Variants in TRIM26 observed in about 807,000 individuals in gnomAD.
TRIM26 encodes the protein tripartite motif-containing protein 26.
In TRIM26, 16 loss-of-function variants were observed where a neutral mutation model predicts 45.5. That is an observed-to-expected ratio of 0.35 (90% CI 0.24 to 0.53). The LOEUF (loss-of-function observed/expected upper bound fraction) is 0.53. Ranked by LOEUF, TRIM26 falls within the 20% of genes least tolerant of loss-of-function variation. The pLI, the probability that TRIM26 is intolerant of heterozygous loss-of-function variation, is 0.92. For synonymous variants in TRIM26, 273 were observed against 290.4 expected (o/e 0.94, Z 0.61); for missense variants, 442 against 691.1 (o/e 0.64, Z 4.04).
intron 6 of TRIM26, among the ~76,000 whole-genome samples, chr6:30,191,187 G>C (rs1354922204): frequency 6.6e-6 from 1 of 152,126 alleles, no homozygotes; most frequent in African/African-American, 2.4e-5. Context: ...GGTTTGTACA[G>C]GGGGGAGAAT....
Position 30,199,122 on chromosome 6 carries a change from A to T in TRIM26, c.-19T>A, listed in dbSNP as rs747038508. Reference sequence around the variant, plus strand: ...TGGCCATGGTATCCTTAGTTCAGAGAGGTCTCCGTTCACTGGTGAGGACTT... The same window carrying T: ...TGGCCATGGTATCCTTAGTTCAGAGTGGTCTCCGTTCACTGGTGAGGACTT... On this transcript the variant is annotated 5_prime_UTR_variant, in exon 4 of 10. Coordinates refer to ENST00000454678, the MANE Select transcript of TRIM26 (RefSeq NM_003449.5). The T allele has an allele frequency of 1.3e-6, 2 of 1,532,984 alleles. No homozygotes were observed. The highest frequency in any genetic ancestry group is 2.5e-5 in the South Asian group (2 of 78,710). 95.0% of individuals were successfully genotyped at this position (1,532,984 alleles called of 1,614,324 possible).
rs1774946806 is a variant in TRIM26 at position 30,184,531 on chromosome 6, TATAAG to T, written c.*1340_*1344del. On this transcript the variant is annotated 3_prime_UTR_variant, in exon 10 of 10. Transcript: ENST00000454678. Reference sequence around the variant, plus strand: ...AGGTGCCATGAGAATACAAGAGTAGTATAAGATGTTATCCGCCCTCCAGGAGCTTA... The same window carrying T: ...AGGTGCCATGAGAATACAAGAGTAGTATGTTATCCGCCCTCCAGGAGCTTA... 6.6e-6 allele frequency: 1 copy of T among 152,398 alleles called. No homozygotes were observed. The highest frequency in any genetic ancestry group is 2.1e-4 in the South Asian group (1 of 4,830). 9.4% of individuals were successfully genotyped at this position (152,398 alleles called of 1,614,324 possible).
chr6:30,211,645 G>A (rs2844775), intron 1 of TRIM26, among the ~76,000 whole-genome samples: 29,689 of 152,094 alleles, frequency 0.2, 3,450 homozygotes, highest in Non-Finnish European at 0.25. Context: ...GTTGAGGCAA[G>A]GTCACATAAG....
intron 1 of TRIM26, among the ~76,000 whole-genome samples, chr6:30,208,831 T>C (rs1248720193): frequency 6.6e-6 from 1 of 152,000 alleles, no homozygotes; most frequent in Non-Finnish European, 1.5e-5. Context: ...GCACTCATGA[T>C]GCCCCACAGC....
At position 30,198,767 on chromosome 6, in the gene TRIM26, A is replaced by G. The variant is rs986129625; in HGVS notation, c.337T>C (p.Cys113Arg). The change falls in exon 4 of 10, where the codon TGT becomes CGT. Residue 113 changes from cysteine (C) to arginine (R), a missense_variant. Physicochemically the swap from Cys to Arg is radical, Grantham distance 180. Coordinates refer to ENST00000454678, the MANE Select transcript of TRIM26 (RefSeq NM_003449.5). The surrounding 1 kb of genome is among the most constrained non-coding windows in gnomAD (Gnocchi z 6.3). The stretch of plus-strand genomic sequence containing the variant: ...CACAGCAGCTTCCCGTCGTCCTCAC[A>G]GTAGTAGTGCAGCTTCTCTCGGTGT... Reference protein sequence around the residue: ...ERHREKLHYYCEDDGKLLCVM... With the variant: ...ERHREKLHYYREDDGKLLCVM... The G allele has an allele frequency of 6.2e-7, 1 of 1,603,128 alleles. No individual in the cohort carries two copies. The highest frequency in any genetic ancestry group is 1.3e-5 in the African/African-American group (1 of 74,422).
chr6:30,189,906 T>C lies in TRIM26; in HGVS notation c.788+107A>G. 7.5e-7 allele frequency: 1 copy of C among 1,339,138 alleles called. No homozygotes were observed. Among genetic ancestry groups the C allele is most frequent in the Non-Finnish European group, 1.1e-6 (1 of 936,116 alleles). The allele number at this position is 1,339,138 out of a possible 1,614,324, so 83.0% of individuals were successfully genotyped here. A position where few individuals can be genotyped will look rare whatever the true frequency, so the allele number is the denominator to read the frequency against. On this transcript the variant is annotated intron_variant, in intron 7 of 9. Coordinates refer to ENST00000454678, the MANE Select transcript of TRIM26 (RefSeq NM_003449.5). The surrounding 1 kb of genome is among the most constrained non-coding windows in gnomAD (Gnocchi z 5.0). Reference sequence around the variant, plus strand: ...ATCAGGATGAACCATGGGATGTGAGTACCTCTGGCACCATACCACTCCCCA... The same window carrying C: ...ATCAGGATGAACCATGGGATGTGAGCACCTCTGGCACCATACCACTCCCCA...
intron 1 of TRIM26, among the ~76,000 whole-genome samples, chr6:30,208,515 CTTTT>C (rs35809533): frequency 1.0e-4 from 13 of 128,212 alleles, no homozygotes; most frequent in Non-Finnish European, 1.1e-4. Flanking sequence ...AATTTTTTTC[CTTTT>C]TTTTTTTTTT....
intron 1 of TRIM26, among the ~76,000 whole-genome samples, chr6:30,211,299 T>A (rs1211931330): frequency 6.6e-6 from 1 of 152,182 alleles, no homozygotes; most frequent in Non-Finnish European, 1.5e-5. Flanking sequence ...AAGAACAAAA[T>A]TCCATTTCTA....
chr6:30,185,688 G>A lies in TRIM26; in HGVS notation c.*188C>T. On this transcript the variant is annotated 3_prime_UTR_variant, in exon 10 of 10. Coordinates refer to ENST00000454678, the MANE Select transcript of TRIM26 (RefSeq NM_003449.5). The surrounding 1 kb of genome is among the most constrained non-coding windows in gnomAD (Gnocchi z 5.7). ...GAGGTGGGAAAAGAGCCCCATTAGG[G>A]CAGTAGATGGAGCAACAGCACTGAG... The A allele has an allele frequency of 1.5e-6, 1 of 664,062 alleles. No homozygotes were observed. The highest frequency in any genetic ancestry group is 2.5e-6 in the Non-Finnish European group (1 of 395,142). 41.1% of individuals were successfully genotyped at this position (664,062 alleles called of 1,614,324 possible). A position where few individuals can be genotyped will look rare whatever the true frequency, so the allele number is the denominator to read the frequency against.
In TRIM26 at chr6:30,189,369, AG is replaced by A. The variant is rs1391697695; in HGVS notation, c.904+48del. The A allele has an allele frequency of 1.3e-6, 2 of 1,596,238 alleles. No individual in the cohort carries two copies. Among genetic ancestry groups the A allele is most frequent in the Non-Finnish European group, 1.7e-6 (2 of 1,164,906 alleles). On this transcript the variant is annotated intron_variant, in intron 8 of 9. Coordinates refer to ENST00000454678, the MANE Select transcript of TRIM26 (RefSeq NM_003449.5). This position sits in a 1 kb window ranked among gnomAD's most constrained non-coding sequence, Gnocchi z 5.0. ...AGGAGCTGGGTGCGCTCTTTCTACG[AG>A]GTAGCCCTGCTCTGACTCCCACCCT...
At chr6:30,210,724 A>AATAACT (rs9280919) in intron 1 of TRIM26, among the ~76,000 whole-genome samples, 64,034 of 151,520 alleles carry the variant, frequency 0.42, 13,616 homozygotes, top group Non-Finnish European at 0.45. Flanking sequence ...AACACAACAG[A>AATAACT]ATAACAATAT....
chr6:30,211,124 T>C (rs2127540035), intron 1 of TRIM26, among the ~76,000 whole-genome samples: 1 of 152,272 alleles, frequency 6.6e-6, no homozygotes, highest in African/African-American at 2.4e-5. Context: ...TCCAGAGCCC[T>C]GCCATCTCCA....
intron 3 of TRIM26, among the ~76,000 whole-genome samples, chr6:30,199,990 G>A (rs192791415): frequency 6.6e-6 from 1 of 152,188 alleles, no homozygotes; most frequent in East Asian, 1.9e-4. Flanking sequence ...ACTAAGAGAG[G>A]GCAATGTGAC....
At chr6:30,200,638 C>A (rs1402381232) in intron 3 of TRIM26, among the ~76,000 whole-genome samples, 2 of 152,210 alleles carry the variant, frequency 1.3e-5, no homozygotes, top group Admixed American at 1.3e-4. Context: ...TTCTGTTTAC[C>A]TTTGTAGTCC....
chr6:30,206,003 G>A (rs1465261534), intron 1 of TRIM26, among the ~76,000 whole-genome samples: 1 of 152,204 alleles, frequency 6.6e-6, no homozygotes, highest in African/African-American at 2.4e-5. Context: ...TCAAGCATAT[G>A]TCTGGACCTC....
chr6:30,189,191 G>A lies in TRIM26; in HGVS notation c.913C>T (p.Leu305=). Residue 305 remains leucine, a synonymous_variant, in exon 9 of 10, where the codon CTG becomes TTG. Coordinates refer to ENST00000454678, the MANE Select transcript of TRIM26 (RefSeq NM_003449.5). The surrounding 1 kb of genome is among the most constrained non-coding windows in gnomAD (Gnocchi z 5.0). ...RGLREFQGKL[L]RDLEYKTVSV... ...CCTGTCTTATATTCCAAGTCTCTCA[G>A]CAGCTTCCCTGGGGAGAAAAAAGGA... is the stretch of plus-strand genomic sequence containing the variant. The A allele has an allele frequency of 6.2e-7, 1 of 1,612,992 alleles. No individual in the cohort carries two copies. Among genetic ancestry groups the A allele is most frequent in the Non-Finnish European group, 8.5e-7 (1 of 1,180,022 alleles).
At position 30,189,959 on chromosome 6, in the gene TRIM26, G is replaced by A. The variant is rs1393337104; in HGVS notation, c.788+54C>T. ...AATTCAAATGCACCTGGTCAGAAGCGGGGGAACATAAACAAGGGGGATGAG... is the reference window on the plus strand; with the variant it reads ...AATTCAAATGCACCTGGTCAGAAGCAGGGGAACATAAACAAGGGGGATGAG... On this transcript the variant is annotated intron_variant, in intron 7 of 9. Coordinates refer to ENST00000454678, the MANE Select transcript of TRIM26 (RefSeq NM_003449.5). The surrounding 1 kb of genome is among the most constrained non-coding windows in gnomAD (Gnocchi z 5.0). The A allele has an allele frequency of 7.5e-6, 12 of 1,606,688 alleles. No individual in the cohort carries two copies. Among genetic ancestry groups the A allele is most frequent in the East Asian group, 2.2e-5 (1 of 44,832 alleles).
Position 30,190,144 on chromosome 6 carries a change from A to C in TRIM26, c.766-109T>G. On this transcript the variant is annotated intron_variant, in intron 6 of 9. Transcript: ENST00000454678. This position sits in a 1 kb window ranked among gnomAD's most constrained non-coding sequence, Gnocchi z 4.3. ...TGGGACATATCAGTGAACAAAACAA[A>C]TGTGGTCCCTTTTTTATGGAGCTGA... 7 of 1,204,050 alleles carry C rather than the reference A, an allele frequency of 5.8e-6. No individual in the cohort carries two copies. The highest frequency in any genetic ancestry group is 8.4e-6 in the Non-Finnish European group (7 of 828,638). The allele number at this position is 1,204,050 out of a possible 1,614,324, so 74.6% of individuals were successfully genotyped here.
intron 1 of TRIM26, among the ~76,000 whole-genome samples, chr6:30,205,705 G>A (rs1181115849): frequency 1.3e-5 from 2 of 152,218 alleles, no homozygotes; most frequent in Non-Finnish European, 1.5e-5. Context: ...AGCTGGGTGC[G>A]ATGGCACATG....
Sources: allele counts gnomAD v4.1 joint callset (sites outside exome capture counted in the v4.1 genomes callset), GRCh38; gene constraint gnomAD v4.1.1; non-coding constraint Gnocchi (gnomAD v3.1); transcripts MANE v1.5; gene names NCBI Gene and HGNC (gene_info 2026-07-23, HGNC 2026-07-21).